Variants in GPC3 observed in about 807,000 individuals in gnomAD.
The protein encoded by GPC3 is glypican-3.
GPC3 carries 3 observed loss-of-function variants against 34.4 expected under a neutral mutation model. The observed-to-expected ratio is 0.09, with a 90% CI of 0.04 to 0.23. The LOEUF (loss-of-function observed/expected upper bound fraction) is 0.23. GPC3 is among the 10% of genes least tolerant of loss of function. The pLI, the probability that GPC3 is intolerant of heterozygous loss-of-function variation, is 1.00. For synonymous variants in GPC3, 177 were observed against 174.0 expected (o/e 1.02, Z -0.13); for missense variants, 351 against 445.6 (o/e 0.79, Z 1.91).
chrX:133,798,343 C>G (rs981502881), intron 2 of GPC3, among the ~76,000 whole-genome samples: 13 of 111,247 alleles, frequency 1.2e-4, no homozygotes, highest in African/African-American at 3.9e-4. Flanking sequence ...TACAATCTCC[C>G]CTTCTTTTTA....
chrX:133,608,052 G>A (rs1276545930), intron 6 of GPC3, among the ~76,000 whole-genome samples: 1 of 112,618 alleles, frequency 8.9e-6, no homozygotes, highest in Non-Finnish European at 1.9e-5. Flanking sequence ...GTAAAGCTCA[G>A]TTTAAGGGGC....
chrX:133,636,221 T>C (rs774859993), intron 6 of GPC3, among the ~76,000 whole-genome samples: 104 of 112,659 alleles, frequency 9.2e-4, no homozygotes, highest in Non-Finnish European at 1.8e-3. Context: ...TGCTATTTAA[T>C]AGCACATAGC....
intron 6 of GPC3, among the ~76,000 whole-genome samples, chrX:133,643,034 G>A (rs1382687054): frequency 1.8e-5 from 2 of 111,349 alleles, no homozygotes; most frequent in African/African-American, 6.5e-5. Flanking sequence ...AAAATGTTTG[G>A]GCCCATTTGT....
chrX:133,679,402 C>A (rs2070917727), intron 5 of GPC3, among the ~76,000 whole-genome samples: 1 of 111,076 alleles, frequency 9.0e-6, no homozygotes, highest in African/African-American at 3.3e-5. Context: ...CACAGCAACC[C>A]TTTGAGGTAG....
At chrX:133,861,735 AAAGT>A (rs758807396) in intron 2 of GPC3, among the ~76,000 whole-genome samples, 1 of 110,316 alleles carries the variant, frequency 9.1e-6, no homozygotes, top group East Asian at 2.9e-4. Flanking sequence ...TGGCTGTTTA[AAAGT>A]GTGTGGCACC....
At chrX:133,759,926 A>C (rs1359261212) in intron 2 of GPC3, among the ~76,000 whole-genome samples, 1 of 111,968 alleles carries the variant, frequency 8.9e-6, no homozygotes, top group East Asian at 2.8e-4. Flanking sequence ...CTCAAAGAAC[A>C]CTTGCAATTC....
intron 2 of GPC3, among the ~76,000 whole-genome samples, chrX:133,797,528 G>A (rs1242174039): frequency 1.8e-5 from 2 of 111,275 alleles, no homozygotes; most frequent in African/African-American, 6.5e-5. Flanking sequence ...ATTAGGTTTT[G>A]TTTCTAAAGT....
In GPC3 at chrX:133,654,789, T is replaced by C. The variant is rs751279116; in HGVS notation, c.1413+6941A>G. On this transcript the variant is annotated intron_variant, in intron 6 of 7. Transcript: ENST00000370818. ...AATGTAAATACAATAGGAGACCCTA[T>C]GAATTTCATAGAAAATTTAGAAATG... is the stretch of plus-strand genomic sequence containing the variant. Among the ~76,000 whole-genome samples the C allele has an allele frequency of 3.6e-5, 4 of 111,992 alleles. No individual in the cohort carries two copies. In the South Asian group the frequency reaches 1.5e-3, roughly 42 times the overall value.
intron 2 of GPC3, among the ~76,000 whole-genome samples, chrX:133,794,919 T>C (rs1198263691): frequency 1.8e-5 from 2 of 112,598 alleles, no homozygotes; most frequent in Admixed American, 9.4e-5. Context: ...TATCAAAATA[T>C]GTTGAAAATA....
chrX:133,733,369 C>G (rs924428437), intron 3 of GPC3, among the ~76,000 whole-genome samples: 1 of 110,916 alleles, frequency 9.0e-6, no homozygotes, highest in Non-Finnish European at 1.9e-5. Flanking sequence ...GATTCATGGA[C>G]TAAAATCTCA....
At chrX:133,951,121 G>A (rs1415184920) in intron 2 of GPC3, among the ~76,000 whole-genome samples, 2 of 107,276 alleles carry the variant, frequency 1.9e-5, no homozygotes, top group Non-Finnish European at 3.9e-5. Context: ...GAGAGAAAGG[G>A]AGAGAGAGAT....
At chrX:133,974,507 C>A (rs1357453145) in intron 1 of GPC3, among the ~76,000 whole-genome samples, 2 of 112,349 alleles carry the variant, frequency 1.8e-5, no homozygotes, top group Non-Finnish European at 3.8e-5. Context: ...ATCTTATTTG[C>A]AGAGTCTTGG....
chrX:133,865,529 A>G (rs2075962514), intron 2 of GPC3, among the ~76,000 whole-genome samples: 3 of 112,103 alleles, frequency 2.7e-5, no homozygotes, highest in Non-Finnish European at 5.6e-5. Flanking sequence ...AGGAAAATAC[A>G]CTGTTAGAAG....
intron 2 of GPC3, among the ~76,000 whole-genome samples, chrX:133,854,892 A>G (rs993176977): frequency 8.9e-6 from 1 of 112,270 alleles, no homozygotes; most frequent in Non-Finnish European, 1.9e-5. Context: ...CAACCATTCA[A>G]GATAATGTTT....
chrX:133,972,962 C>A (rs1212679587), intron 1 of GPC3, among the ~76,000 whole-genome samples: 2 of 111,062 alleles, frequency 1.8e-5, no homozygotes, highest in African/African-American at 6.6e-5. Context: ...AGGAAGAGGT[C>A]AGGTTGAATC....
At chrX:133,905,615 T>C (rs2076164522) in intron 2 of GPC3, among the ~76,000 whole-genome samples, 1 of 111,578 alleles carries the variant, frequency 9.0e-6, no homozygotes, top group Admixed American at 9.6e-5. Context: ...TAAAAGAAAA[T>C]GGATGTCAAA....
intron 6 of GPC3, among the ~76,000 whole-genome samples, chrX:133,598,769 G>A (rs769985549): frequency 1.4e-4 from 16 of 111,567 alleles, no homozygotes; most frequent in African/African-American, 3.3e-4. Flanking sequence ...CTTTGAACAC[G>A]CATTTTACTC....
chrX:133,940,565 T>G (rs1317313732), intron 2 of GPC3, among the ~76,000 whole-genome samples: 1 of 111,690 alleles, frequency 9.0e-6, no homozygotes, highest in African/African-American at 3.3e-5. Flanking sequence ...GTAAGATTAG[T>G]TAACTTTATT....
At chrX:133,735,682 G>T (rs1469783927) in intron 3 of GPC3, among the ~76,000 whole-genome samples, 3 of 111,262 alleles carry the variant, frequency 2.7e-5, no homozygotes, top group Non-Finnish European at 5.7e-5. Context: ...ATAATTATAG[G>T]CTGGGGGCAG....
Sources: gnomAD v4.1 joint callset for allele counts (sites outside exome capture counted in the v4.1 genomes callset) on GRCh38, gnomAD v4.1.1 for gene constraint, MANE v1.5 for transcripts, NCBI Gene and HGNC (gene_info 2026-07-23, HGNC 2026-07-21) for gene names.